Variants in SHISAL1 observed in about 807,000 individuals in gnomAD.
SHISAL1 encodes the protein protein shisa-like-1.
SHISAL1 carries 9 observed loss-of-function variants against 22.6 expected under a neutral mutation model. The observed-to-expected ratio is 0.40, with a 90% confidence interval of 0.24 to 0.70. The LOEUF (loss-of-function observed/expected upper bound fraction) is 0.70, where lower values mean the gene tolerates loss of function less well. Among genes scored for constraint, SHISAL1 ranks in the 30% least tolerant of loss-of-function variants. SHISAL1 has a pLI of 0.39. For missense variants in SHISAL1, 246 were observed against 270.6 expected (o/e 0.91, Z 0.64); for synonymous variants, 119 against 115.4 (o/e 1.03, Z -0.20).
chr22:44,311,197 C>T (rs1026756240), intron 1 of SHISAL1, among the ~76,000 whole-genome samples: 2 of 152,194 alleles, frequency 1.3e-5, no homozygotes, highest in African/African-American at 4.8e-5. Context: ...CCGGCTCACA[C>T]CCCCTGGGCC....
rs1024504987 is a variant in SHISAL1, at chr22:44,248,339, G to A, written c.*1346C>T. On this transcript the variant is annotated 3_prime_UTR_variant, in exon 5 of 5. Coordinates refer to ENST00000381176, the MANE Select transcript of SHISAL1 (RefSeq NM_001099294.2). ...GATCAAGCAGGGCCTCCCGAGCTAAGAGCTGGGGGAGATTTGGTATCACTA... is the reference window on the plus strand; with the variant it reads ...GATCAAGCAGGGCCTCCCGAGCTAAAAGCTGGGGGAGATTTGGTATCACTA... The A allele has an allele frequency of 1.3e-5, 2 of 152,270 alleles. No homozygotes were observed. The highest frequency in any genetic ancestry group is 4.8e-5 in the African/African-American group (2 of 41,454). 9.4% of individuals were successfully genotyped at this position (152,270 alleles called of 1,614,324 possible).
At chr22:44,289,934 G>A (rs1011904180) in intron 3 of SHISAL1, among the ~76,000 whole-genome samples, 1 of 152,202 alleles carries the variant, frequency 6.6e-6, no homozygotes, top group South Asian at 2.1e-4. Context: ...GCCGCAGATC[G>A]CAATTTTTTC....
chr22:44,253,644 G>T, intron 4 of SHISAL1, among the ~76,000 whole-genome samples: 1 of 142,130 alleles, frequency 7.0e-6, no homozygotes. Flanking sequence ...ATTTCACCAT[G>T]TTGGCCAGTC....
intron 4 of SHISAL1, among the ~76,000 whole-genome samples, chr22:44,255,709 C>A (rs557264069): frequency 6.6e-6 from 1 of 152,212 alleles, no homozygotes; most frequent in Admixed American, 6.5e-5. Flanking sequence ...ATTACATCAC[C>A]CCTTTCCTCA....
At chr22:44,329,249 G>A in the SHISAL1 span, among the ~76,000 whole-genome samples, 2 of 152,332 alleles carry the variant, frequency 1.3e-5, no homozygotes, top group South Asian at 4.1e-4. Flanking sequence ...TGAAGGGATG[G>A]ATGGATGGAT....
chr22:44,331,202 A>C, the SHISAL1 span, among the ~76,000 whole-genome samples: 1 of 151,666 alleles, frequency 6.6e-6, no homozygotes, highest in Non-Finnish European at 1.5e-5. This position sits in a 1 kb window ranked among gnomAD's most constrained non-coding sequence, Gnocchi z 5.2. Context: ...CCCAGTGCCG[A>C]ACACCGGCTG....
chr22:44,280,380 C>T (rs2055267654), intron 4 of SHISAL1, among the ~76,000 whole-genome samples: 1 of 152,136 alleles, frequency 6.6e-6, no homozygotes, highest in Non-Finnish European at 1.5e-5. Context: ...CTGACCCTCC[C>T]TGGGCCCAAG....
intron 4 of SHISAL1, among the ~76,000 whole-genome samples, chr22:44,273,100 A>AC (rs1309516350): frequency 1.3e-5 from 2 of 151,782 alleles, no homozygotes; most frequent in African/African-American, 4.9e-5. Flanking sequence ...TGTCTCCAAA[A>AC]AAAAAACAAA....
chr22:44,262,603 A>C (rs571383107), intron 4 of SHISAL1, among the ~76,000 whole-genome samples: 1 of 152,230 alleles, frequency 6.6e-6, no homozygotes, highest in Non-Finnish European at 1.5e-5. Flanking sequence ...CCAGAACTGC[A>C]TATCTAGCTA....
At chr22:44,307,310 G>A (rs1382130499) in intron 1 of SHISAL1, among the ~76,000 whole-genome samples, 1 of 152,168 alleles carries the variant, frequency 6.6e-6, no homozygotes, top group African/African-American at 2.4e-5. Context: ...TGACCCCCAT[G>A]TCAGCCTAAG....
intron 1 of SHISAL1, among the ~76,000 whole-genome samples, chr22:44,302,657 AG>A (rs1164145519): frequency 2.0e-5 from 3 of 146,586 alleles, no homozygotes; most frequent in Admixed American, 2.0e-4. Context: ...AGGAGGCAGC[AG>A]GGGCAAAGGC....
rs561381987 is a variant in SHISAL1 at position 44,260,561 on chromosome 22, G to A, written c.*-10876C>T. 1.2e-3 allele frequency among the ~76,000 whole-genome samples: 190 copies of A among 152,328 alleles called. 2 individuals carry two copies. Among genetic ancestry groups the A allele is most frequent in the Non-Finnish European group, 2.5e-4 (17 of 68,030 alleles). On this transcript the variant is annotated intron_variant, in intron 4 of 4. Transcript: ENST00000381176. ...TGGAGAGGAGGTCCAGGTGATGGTC[G>A]AAGCCTTTGCTTGGTTTCCCCGGGA...
the SHISAL1 span, among the ~76,000 whole-genome samples, chr22:44,323,470 AT>A: frequency 3.3e-5 from 3 of 91,008 alleles, no homozygotes; most frequent in African/African-American, 9.1e-5. Flanking sequence ...TCATCCATCC[AT>A]CCATTCATTC....
chr22:44,255,111 C>T (rs2055075431), intron 4 of SHISAL1, among the ~76,000 whole-genome samples: 1 of 152,246 alleles, frequency 6.6e-6, no homozygotes, highest in Admixed American at 6.5e-5. Context: ...ATCTTCCTGA[C>T]CTTCTCTTCT....
At chr22:44,271,285 G>A (rs946972656) in intron 4 of SHISAL1, among the ~76,000 whole-genome samples, 5 of 152,160 alleles carry the variant, frequency 3.3e-5, no homozygotes, top group African/African-American at 1.2e-4. Flanking sequence ...GCCCCCACCT[G>A]CAGCACCCAG....
chr22:44,330,314 G>A, the SHISAL1 span, among the ~76,000 whole-genome samples: 10 of 152,352 alleles, frequency 6.6e-5, no homozygotes, highest in African/African-American at 4.8e-5. Context: ...TCACACAGCC[G>A]TGGAGAGGGG....
In SHISAL1 at chr22:44,249,481, T is replaced by G. The variant is rs2055030928; in HGVS notation, c.*204A>C. The G allele has an allele frequency of 2.0e-5, 7 of 345,858 alleles. No individual in the cohort carries two copies. The highest frequency in any genetic ancestry group is 7.1e-5 in the East Asian group (1 of 14,070). 21.4% of individuals were successfully genotyped at this position (345,858 alleles called of 1,614,324 possible). A position where few individuals can be genotyped will look rare whatever the true frequency, so the allele number is the denominator to read the frequency against. On this transcript the variant is annotated 3_prime_UTR_variant, in exon 5 of 5. Coordinates refer to ENST00000381176, the MANE Select transcript of SHISAL1 (RefSeq NM_001099294.2). ...ACAGGTGGCTCAGAATCCCCTCCCC[T>G]GCACCCCCAGCCCCTACCCCTGAGT...
intron 4 of SHISAL1, among the ~76,000 whole-genome samples, chr22:44,259,578 G>A (rs1454021526): frequency 2.0e-5 from 3 of 152,146 alleles, no homozygotes; most frequent in Non-Finnish European, 2.9e-5. Flanking sequence ...GTTCCGAGAA[G>A]CACTTCCTGC....
At chr22:44,317,682 T>C (rs2055566586), upstream of SHISAL1, among the ~76,000 whole-genome samples, 1 of 152,176 alleles carries the variant, frequency 6.6e-6, no homozygotes, top group Non-Finnish European at 1.5e-5. Flanking sequence ...AACCACTGGA[T>C]GGTGCATTGT....
Sources: gnomAD v4.1 joint callset for allele counts (sites outside exome capture counted in the v4.1 genomes callset) on GRCh38, gnomAD v4.1.1 for gene constraint, Gnocchi (gnomAD v3.1) non-coding constraint, MANE v1.5 for transcripts, NCBI Gene and HGNC (gene_info 2026-07-23, HGNC 2026-07-21) for gene names.